The following DNAJC3 variants were observed in gnomAD, a reference collection of about 807,000 sequenced individuals.
DNAJC3 encodes DnaJ heat shock protein family (Hsp40) member C3.
Under a neutral mutation model 68.6 loss-of-function variants are expected in DNAJC3, and 38 were observed. The ratio of observed to expected loss-of-function variants is 0.55; its 90% CI spans 0.43 to 0.73. DNAJC3 has a LOEUF of 0.73. Ranked by LOEUF, DNAJC3 falls within the 30% of genes least tolerant of loss-of-function variation. DNAJC3 has a pLI of 0.00. For missense variants in DNAJC3, 526 were observed against 591.9 expected, an observed-to-expected ratio of 0.89 and a Z score of 1.16; for synonymous variants, 203 against 204.0, an observed-to-expected ratio of 1.00 and a Z score of 0.04.
chr13:95,783,807 G>A (rs1883519070), intron 9 of DNAJC3, among the ~76,000 whole-genome samples: 1 of 152,140 alleles, frequency 6.6e-6, no homozygotes, highest in Non-Finnish European at 1.5e-5. Flanking sequence ...CGAAAAATGA[G>A]GCTCACAGAC....
chr13:95,737,438 A>G (rs1881963534), intron 4 of DNAJC3, among the ~76,000 whole-genome samples: 1 of 151,382 alleles, frequency 6.6e-6, no homozygotes, highest in African/African-American at 2.4e-5. Context: ...TTGGCTGTGA[A>G]TCCATCTGGT....
chr13:95,767,220 T>C (rs1466456419), intron 9 of DNAJC3, among the ~76,000 whole-genome samples: 2 of 152,176 alleles, frequency 1.3e-5, no homozygotes, highest in East Asian at 3.9e-4. Context: ...CATTCTACTT[T>C]CTGTCACTAT....
rs189159020 is a variant in DNAJC3, at chr13:95,721,075, C to T, written c.194-2167C>T. Among the ~76,000 whole-genome samples the T allele has an allele frequency of 7.9e-5, 12 of 152,270 alleles. No individual in the cohort carries two copies. The East Asian group carries it at 2.3e-3, about 29-fold the overall frequency. ...AGGGCCCTATTCCTAACCCTTTACA[C>T]CAGCCCCTGGCAACCACTATTCTAC... On this transcript the variant is annotated intron_variant, in intron 2 of 11. Coordinates refer to ENST00000602402, the MANE Select transcript of DNAJC3 (RefSeq NM_006260.5).
At chr13:95,737,537 G>A (rs1245824081) in intron 4 of DNAJC3, among the ~76,000 whole-genome samples, 2 of 151,828 alleles carry the variant, frequency 1.3e-5, no homozygotes, top group South Asian at 2.1e-4. Context: ...ACTTCTTCCT[G>A]GTTTAGTCTT....
At chr13:95,710,891 A>G (rs1405130514) in intron 2 of DNAJC3, among the ~76,000 whole-genome samples, 1 of 151,560 alleles carries the variant, frequency 6.6e-6, no homozygotes, top group African/African-American at 2.4e-5. Flanking sequence ...GGGTTTCACC[A>G]TTTTGCCCAG....
chr13:95,757,513 G>T (rs924142168), intron 4 of DNAJC3, 131 bp from the exon 5 acceptor site: 3 of 960,474 alleles, frequency 3.1e-6, no homozygotes, highest in African/African-American at 3.3e-5. Context: ...AGACAAGCCA[G>T]TTTTTCCAGT....
intron 4 of DNAJC3, among the ~76,000 whole-genome samples, chr13:95,755,556 A>C (rs1882629310): frequency 6.6e-6 from 1 of 151,892 alleles, no homozygotes; most frequent in South Asian, 2.1e-4. Context: ...CAGGAGTTCG[A>C]GACCACCCTG....
chr13:95,712,685 T>A (rs977378530), intron 2 of DNAJC3, among the ~76,000 whole-genome samples: 3 of 152,188 alleles, frequency 2.0e-5, no homozygotes, highest in Non-Finnish European at 4.4e-5. Flanking sequence ...CCAGTGCAAT[T>A]TGTATACCAA....
intron 4 of DNAJC3, among the ~76,000 whole-genome samples, chr13:95,753,820 A>G (rs972657220): frequency 1.3e-5 from 2 of 152,220 alleles, no homozygotes; most frequent in African/African-American, 4.8e-5. Flanking sequence ...ACTGCCCTAC[A>G]GGATATTGGT....
chr13:95,757,020 T>C (rs1408179991), intron 4 of DNAJC3, among the ~76,000 whole-genome samples: 1 of 152,238 alleles, frequency 6.6e-6, no homozygotes, highest in Non-Finnish European at 1.5e-5. Flanking sequence ...TTTTATGCTA[T>C]ATAAATTATG....
intron 1 of DNAJC3, among the ~76,000 whole-genome samples, chr13:95,706,868 A>C (rs1263534278): frequency 1.3e-5 from 2 of 152,076 alleles, no homozygotes; most frequent in Non-Finnish European, 2.9e-5. Flanking sequence ...AACCCTCATA[A>C]TTAAATTAAA....
chr13:95,712,304 C>T (rs900211937), intron 2 of DNAJC3, among the ~76,000 whole-genome samples: 57 of 151,886 alleles, frequency 3.8e-4, no homozygotes, highest in African/African-American at 1.2e-3. Context: ...AGATTGAGAA[C>T]GAGACAAGGA....
At chr13:95,716,470 C>G (rs1881149854) in intron 2 of DNAJC3, among the ~76,000 whole-genome samples, 2 of 152,204 alleles carry the variant, frequency 1.3e-5, no homozygotes. Flanking sequence ...GACCCTCTCC[C>G]TTATTGCAAG....
At chr13:95,789,493 T>C (rs1245657959) in intron 11 of DNAJC3, among the ~76,000 whole-genome samples, 1 of 152,226 alleles carries the variant, frequency 6.6e-6, no homozygotes, top group East Asian at 1.9e-4. Flanking sequence ...TCTCATTCTT[T>C]TTTATGGCTG....
Position 95,786,046 on chromosome 13 carries a change from T to A in DNAJC3, c.1183T>A (p.Tyr395Asn). Residue 395 changes from tyrosine (Y) to asparagine (N), a missense_variant, in exon 10 of 12, where the codon TAT (tyrosine) becomes AAT (asparagine). Tyr to Asn is a moderately radical substitution (Grantham distance 143). Coordinates refer to ENST00000602402, the MANE Select transcript of DNAJC3 (RefSeq NM_006260.5). ...RLLKQSQKRD[Y>N]YKILGVKRNA... Reference sequence around the variant, plus strand: ...ATTGAAACAGTCGCAGAAACGAGATTATTATAAAATCTTGGGAGTAAAAAG... The same window carrying A: ...ATTGAAACAGTCGCAGAAACGAGATAATTATAAAATCTTGGGAGTAAAAAG... 6.2e-7 allele frequency: 1 copy of A among 1,606,588 alleles called. No homozygotes were observed.
In DNAJC3 at chr13:95,794,551, T is replaced by C. The variant is rs1197208017; in HGVS notation, c.*3521T>C. 6.6e-6 allele frequency: 1 copy of C among 152,230 alleles called. No homozygotes were observed. The highest frequency in any genetic ancestry group is 1.5e-5 in the Non-Finnish European group (1 of 68,028). The allele number at this position is 152,230 out of a possible 1,614,324, so 9.4% of individuals were successfully genotyped here. A position where few individuals can be genotyped will look rare whatever the true frequency, so the allele number is the denominator to read the frequency against. ...TTTTTCTAAATCAGATCATTCCTTT[T>C]TTGTTAGTGGCAGTTTATCCTGTAA... On this transcript the variant is annotated 3_prime_UTR_variant, in exon 12 of 12. Coordinates refer to ENST00000602402, the MANE Select transcript of DNAJC3 (RefSeq NM_006260.5).
intron 4 of DNAJC3, among the ~76,000 whole-genome samples, chr13:95,743,249 A>G (rs1185467574): frequency 6.6e-6 from 1 of 152,250 alleles, no homozygotes; most frequent in Non-Finnish European, 1.5e-5. Context: ...AGAATGATCA[A>G]TGAAGTCATC....
At chr13:95,692,067 G>T (rs187069194) in intron 1 of DNAJC3, among the ~76,000 whole-genome samples, 2 of 150,700 alleles carry the variant, frequency 1.3e-5, no homozygotes, top group Non-Finnish European at 2.9e-5. Flanking sequence ...GAGGGAGACC[G>T]TGGAAAGAGA....
At chr13:95,687,027 A>G (rs1346718405) in intron 1 of DNAJC3, among the ~76,000 whole-genome samples, 5 of 152,150 alleles carry the variant, frequency 3.3e-5, no homozygotes, top group Admixed American at 3.3e-4. Flanking sequence ...TTTTGTGTTT[A>G]TTTATGACAT....
Sources: allele counts gnomAD v4.1 joint callset (sites outside exome capture counted in the v4.1 genomes callset), GRCh38; gene constraint gnomAD v4.1.1; transcripts MANE v1.5; gene names NCBI Gene and HGNC (gene_info 2026-07-23, HGNC 2026-07-21).